The following ATF6 variants were observed in gnomAD, a reference collection of about 807,000 sequenced individuals.
ATF6 encodes activating transcription factor 6, also known as cyclic AMP-dependent transcription factor ATF-6 alpha.
In ATF6, 53 loss-of-function variants were observed where a neutral mutation model predicts 83.6. The ratio of observed to expected loss-of-function variants is 0.63; its 90% CI spans 0.51 to 0.80. The LOEUF (loss-of-function observed/expected upper bound fraction) is 0.80, where lower values mean the gene tolerates loss of function less well. ATF6 is among the 30% of genes least tolerant of loss of function. The pLI, the probability that ATF6 is intolerant of heterozygous loss-of-function variation, is 0.00. For missense variants in ATF6, 744 were observed against 797.9 expected, an observed-to-expected ratio of 0.93 and a Z score of 0.81; for synonymous variants, 288 against 285.8, an observed-to-expected ratio of 1.01 and a Z score of -0.08.
At chr1:161,874,387 A>G (rs1687168822) in intron 14 of ATF6, among the ~76,000 whole-genome samples, 1 of 151,682 alleles carries the variant, frequency 6.6e-6, no homozygotes, top group East Asian at 1.9e-4. Flanking sequence ...CAAATTTTAA[A>G]TCTGACATAG....
chr1:161,826,409 A>G (rs1038930542), intron 9 of ATF6, among the ~76,000 whole-genome samples: 4 of 152,206 alleles, frequency 2.6e-5, no homozygotes, highest in Non-Finnish European at 5.9e-5. Flanking sequence ...ATTGATTATG[A>G]AAGGAAGAGA....
At chr1:161,904,544 C>T (rs1168527728) in intron 14 of ATF6, among the ~76,000 whole-genome samples, 7 of 151,808 alleles carry the variant, frequency 4.6e-5, no homozygotes, top group Admixed American at 6.6e-5. Flanking sequence ...GCTGAGATTG[C>T]GCTACTGTAC....
At chr1:161,947,620 C>G (rs1688774970) in intron 15 of ATF6, among the ~76,000 whole-genome samples, 1 of 151,780 alleles carries the variant, frequency 6.6e-6, no homozygotes, top group Admixed American at 6.6e-5. Context: ...TATAATAATT[C>G]AAAAATCTCA....
At position 161,802,855 on chromosome 1, in the gene ATF6, A is replaced by G. The variant is rs554431655; in HGVS notation, c.909+583A>G. Reference sequence around the variant, plus strand: ...GGATTTCTTATAATTTATAAATCACATAGTTTCCTAAGACCTGTCACTCTC... The same window carrying G: ...GGATTTCTTATAATTTATAAATCACGTAGTTTCCTAAGACCTGTCACTCTC... On this transcript the variant is annotated intron_variant, in intron 7 of 15. Transcript: ENST00000367942. Among the ~76,000 whole-genome samples, 54 of 152,326 alleles carry G rather than the reference A, an allele frequency of 3.5e-4. No individual in the cohort carries two copies. In the South Asian group the frequency reaches 0.011, roughly 30 times the overall value.
intron 7 of ATF6, among the ~76,000 whole-genome samples, chr1:161,817,957 CAG>C (rs1685652488): frequency 6.6e-6 from 1 of 151,838 alleles, no homozygotes; most frequent in Admixed American, 6.6e-5. Flanking sequence ...CAAAATTAGC[CAG>C]GCGTGGTGGT....
intron 14 of ATF6, among the ~76,000 whole-genome samples, chr1:161,865,236 T>C (rs1265690485): frequency 6.6e-6 from 1 of 152,036 alleles, no homozygotes; most frequent in Non-Finnish European, 1.5e-5. Context: ...CTTGGCTTAC[T>C]ACAACCTCCA....
At chr1:161,791,062 ATGTGTG>A (rs72157843) in intron 4 of ATF6, among the ~76,000 whole-genome samples, 7 of 137,218 alleles carry the variant, frequency 5.1e-5, no homozygotes, top group African/African-American at 3.3e-5. Context: ...CAAGTTTTAT[ATGTGTG>A]TGTGTGTGTG....
At chr1:161,908,563 G>C (rs779377011) in intron 14 of ATF6, among the ~76,000 whole-genome samples, 2 of 148,206 alleles carry the variant, frequency 1.3e-5, no homozygotes, top group Non-Finnish European at 3.0e-5. Context: ...CTTTTTCTGG[G>C]AATAAGAGTA....
chr1:161,855,248 T>C (rs1571192832), intron 12 of ATF6, among the ~76,000 whole-genome samples: 1 of 152,224 alleles, frequency 6.6e-6, no homozygotes, highest in East Asian at 1.9e-4. Flanking sequence ...GAGAAATTGT[T>C]GTGGTCCATA....
chr1:161,840,638 C>T (rs999084692), intron 9 of ATF6, among the ~76,000 whole-genome samples: 3 of 152,158 alleles, frequency 2.0e-5, no homozygotes, highest in Non-Finnish European at 2.9e-5. Context: ...TAATCTAAAA[C>T]AGTTGTTGGC....
At chr1:161,952,325 C>A (rs979271030) in intron 15 of ATF6, among the ~76,000 whole-genome samples, 1 of 152,078 alleles carries the variant, frequency 6.6e-6, no homozygotes, top group East Asian at 1.9e-4. Flanking sequence ...AACTCTTCCC[C>A]CTTTGCCTCC....
At chr1:161,768,065 G>A (rs1684308501) in intron 1 of ATF6, among the ~76,000 whole-genome samples, 1 of 152,174 alleles carries the variant, frequency 6.6e-6, no homozygotes, top group Admixed American at 6.5e-5. Flanking sequence ...ATGTTGGTTA[G>A]GCTGGTCTGG....
At chr1:161,941,722 T>TA (rs2101910281) in intron 15 of ATF6, among the ~76,000 whole-genome samples, 2 of 152,356 alleles carry the variant, frequency 1.3e-5, no homozygotes, top group South Asian at 4.1e-4. Context: ...TACTATGTTA[T>TA]AAGAAGCAGA....
At chr1:161,808,158 G>A (rs1196179068) in intron 7 of ATF6, among the ~76,000 whole-genome samples, 1 of 151,838 alleles carries the variant, frequency 6.6e-6, no homozygotes, top group Non-Finnish European at 1.5e-5. Context: ...GGGATTATAG[G>A]CATGAGCCAC....
intron 4 of ATF6, among the ~76,000 whole-genome samples, chr1:161,790,764 T>C (rs1279248181): frequency 6.6e-6 from 1 of 151,884 alleles, no homozygotes; most frequent in Non-Finnish European, 1.5e-5. Flanking sequence ...TGAGCTGAGA[T>C]TGCGTCACTG....
In ATF6 at chr1:161,791,520, G is replaced by T; in HGVS notation, c.467G>T (p.Gly156Val). The change falls in exon 5 of 16, where the codon GGT becomes GTT. Residue 156 changes from glycine (G) to valine (V), a missense_variant. Physicochemically the swap from Gly to Val is moderately radical, Grantham distance 109. Transcript: ENST00000367942. ...CTGAAGGAAGATAAGCCTGTCACTG[G>T]TCCTAGGAACAAGACTGGTATTACT... ...EPLKEDKPVT[G>V]PRNKTENGLT... 1 of 1,610,768 alleles carries T rather than the reference G, an allele frequency of 6.2e-7. No individual in the cohort carries two copies. The highest frequency in any genetic ancestry group is 8.5e-7 in the Non-Finnish European group (1 of 1,179,292).
At chr1:161,898,613 T>C (rs1687722524) in intron 14 of ATF6, among the ~76,000 whole-genome samples, 1 of 152,038 alleles carries the variant, frequency 6.6e-6, no homozygotes, top group Admixed American at 6.6e-5. Context: ...AGTGGTGTGA[T>C]CTCAGCTCAC....
chr1:161,807,982 C>T (rs1219875702), intron 7 of ATF6, among the ~76,000 whole-genome samples: 1 of 141,846 alleles, frequency 7.0e-6, no homozygotes, highest in Non-Finnish European at 1.5e-5. Context: ...CAGGTTCAAG[C>T]GATTCTCCTG....
rs760494664 is a variant in ATF6 at position 161,782,022 on chromosome 1, A to G, written c.247+23A>G. The G allele has an allele frequency of 9.5e-6, 14 of 1,473,448 alleles. No homozygotes were observed. The Admixed American group carries it at 2.8e-4, about 30-fold the overall frequency. The allele number at this position is 1,473,448 out of a possible 1,614,324, so 91.3% of individuals were successfully genotyped here. ...CAGGTAATTATGTGTTTCACTGGTA[A>G]AAGTTTTAAAAAGATCAATTTTATT... On this transcript the variant is annotated intron_variant, in intron 3 of 15. Coordinates refer to ENST00000367942, the MANE Select transcript of ATF6 (RefSeq NM_007348.4).
Sources: gnomAD v4.1 joint callset for allele counts (sites outside exome capture counted in the v4.1 genomes callset) on GRCh38, gnomAD v4.1.1 for gene constraint, MANE v1.5 for transcripts, NCBI Gene and HGNC (gene_info 2026-07-23, HGNC 2026-07-21) for gene names.